The following LRRC45 variants were observed in gnomAD, a reference collection of about 807,000 sequenced individuals.
LRRC45 encodes the protein leucine rich repeat containing 45, also known as leucine-rich repeat-containing protein 45.
In LRRC45, 73 loss-of-function variants were observed where a neutral mutation model predicts 85.4. That is an observed-to-expected ratio of 0.85 (90% CI 0.71 to 1.04). The LOEUF (loss-of-function observed/expected upper bound fraction) is 1.04, where lower values mean the gene tolerates loss of function less well. Among genes scored for constraint, LRRC45 ranks in the 50% least tolerant of loss-of-function variants. The pLI is 0.00. For synonymous variants in LRRC45, 429 were observed against 386.0 expected (o/e 1.11, Z -1.31); for missense variants, 937 against 883.3 (o/e 1.06, Z -0.77).
In LRRC45 at chr17:82,025,525, G is replaced by A; in HGVS notation, c.661+18G>A. 6.5e-7 allele frequency: 1 copy of A among 1,544,068 alleles called. No homozygotes were observed. The highest frequency in any genetic ancestry group is 8.7e-7 in the Non-Finnish European group (1 of 1,144,044). ...AGCCGTGGGTACGGTGCAGGGCTGT[G>A]TGGAGTGACGCGTGAGCCTTTGACA... On this transcript the variant is annotated intron_variant, in intron 5 of 16. Coordinates refer to ENST00000306688, the MANE Select transcript of LRRC45 (RefSeq NM_144999.4).
At chr17:82,027,333 A>G in intron 6 of LRRC45, 53 bp from the exon 7 acceptor site, 1 of 1,603,002 alleles carries the variant, frequency 6.2e-7, no homozygotes, top group Non-Finnish European at 8.5e-7. Context: ...TGAGAAGGTC[A>G]GGTGGACAGG....
intron 5 of LRRC45, among the ~76,000 whole-genome samples, chr17:82,025,965 C>T (rs1363428737): frequency 6.6e-6 from 1 of 152,192 alleles, no homozygotes; most frequent in African/African-American, 2.4e-5. Context: ...GACCCCGAAT[C>T]CTTGCAGCTG....
In LRRC45 at chr17:82,023,640, G is replaced by A. The variant is rs1013831930; in HGVS notation, c.-4G>A. On this transcript the variant is annotated 5_prime_UTR_variant, in exon 1 of 17. Coordinates refer to ENST00000306688, the MANE Select transcript of LRRC45 (RefSeq NM_144999.4). The stretch of plus-strand genomic sequence containing the variant: ...CGGAGGAGGCCCTGCCGGCCCCGCG[G>A]GTCATGGAGGAGTTCCGGCGCTCCT... 13 of 1,530,034 alleles carry A rather than the reference G, an allele frequency of 8.5e-6. No homozygotes were observed. Among genetic ancestry groups the A allele is most frequent in the Admixed American group, 2.0e-5 (1 of 50,492 alleles). The allele number at this position is 1,530,034 out of a possible 1,614,324, so 94.8% of individuals were successfully genotyped here.
At position 82,025,428 on chromosome 17, in the gene LRRC45, CTG is replaced by C. The variant is rs753030414; in HGVS notation, c.584_585del (p.Cys195SerfsTer72). 7 of 1,607,924 alleles carry C rather than the reference CTG, an allele frequency of 4.4e-6. No homozygotes were observed. Among genetic ancestry groups the C allele is most frequent in the Non-Finnish European group, 5.9e-6 (7 of 1,177,286 alleles). ...GLLGGRALMN[C>X]LPSNRTLWRL... ...TCCTGGGGGGCCGGGCCCTCATGAA[CTG>C]TCTCCCCAGCAACAGAACCCTGTGG... On this transcript the variant is annotated frameshift_variant, in exon 5 of 17. Coordinates refer to ENST00000306688, the MANE Select transcript of LRRC45 (RefSeq NM_144999.4). LOFTEE classifies it high-confidence loss of function.
chr17:82,026,291 A>C (rs2043367201), intron 5 of LRRC45, among the ~76,000 whole-genome samples: 1 of 152,166 alleles, frequency 6.6e-6, no homozygotes, highest in Non-Finnish European at 1.5e-5. Flanking sequence ...TGGTGGCCAG[A>C]TGCCCCAGGA....
chr17:82,026,005 G>A (rs1227238785), intron 5 of LRRC45, among the ~76,000 whole-genome samples: 2 of 152,164 alleles, frequency 1.3e-5, no homozygotes, highest in African/African-American at 4.8e-5. Flanking sequence ...CAGTGCCCCA[G>A]ACTCAGCTGG....
chr17:82,027,535 G>A, intron 7 of LRRC45, 91 bp downstream of exon 7: 1 of 1,579,712 alleles, frequency 6.3e-7, no homozygotes, highest in Non-Finnish European at 8.7e-7. Context: ...CCACGAGTGA[G>A]GCCACGAGGA....
chr17:82,027,071 C>T (rs1258492441), intron 6 of LRRC45, 60 bp downstream of exon 6: 2 of 1,378,332 alleles, frequency 1.5e-6, no homozygotes, highest in East Asian at 2.4e-5. Context: ...CTGGCCACGT[C>T]CTTCCTCCCT....
chr17:82,030,780 T>G lies in LRRC45; in HGVS notation c.1988T>G (p.Val663Gly), dbSNP rs1339114601. ...AVLAYVQASPVRTLSPPK is the reference protein window; with the variant it reads ...AVLAYVQASPGRTLSPPK ...CTGGCTTACGTGCAGGCGTCCCCCGTGAGGACCCTGAGCCCCCCAAAGTGA... is the reference window on the plus strand; with the variant it reads ...CTGGCTTACGTGCAGGCGTCCCCCGGGAGGACCCTGAGCCCCCCAAAGTGA... Residue 663 changes from valine to glycine, a missense_variant, in exon 17 of 17, where the codon GTG (valine) becomes GGG (glycine). Val to Gly is a moderately radical substitution (Grantham distance 109). Coordinates refer to ENST00000306688, the MANE Select transcript of LRRC45 (RefSeq NM_144999.4). 7.1e-7 allele frequency: 1 copy of G among 1,410,116 alleles called. No homozygotes were observed. The allele number at this position is 1,410,116 out of a possible 1,614,324, so 87.4% of individuals were successfully genotyped here. A position where few individuals can be genotyped will look rare whatever the true frequency, so the allele number is the denominator to read the frequency against.
rs761996491 is a variant in LRRC45 at position 82,025,068 on chromosome 17, C to T, written c.422C>T (p.Ala141Val). 5.0e-6 allele frequency: 8 copies of T among 1,609,266 alleles called. No individual in the cohort carries two copies. Among genetic ancestry groups the T allele is most frequent in the Non-Finnish European group, 6.8e-6 (8 of 1,178,348 alleles). Residue 141 changes from alanine (A) to valine (V), a missense_variant, in exon 4 of 17, where the codon GCG becomes GTG. Physicochemically the swap from Ala to Val is moderately conservative, Grantham distance 64. Transcript: ENST00000306688. Reference sequence around the variant, plus strand: ...TTCGCCACCTTCTGCGGGGGCCTGGCGGCCAACGGCGCCCTGCAGCGGCTG... The same window carrying T: ...TTCGCCACCTTCTGCGGGGGCCTGGTGGCCAACGGCGCCCTGCAGCGGCTG... ...DAFATFCGGL[A>V]ANGALQRLDL...
At chr17:82,028,353 G>A (rs780504920) in intron 10 of LRRC45, 42 bp downstream of exon 10, 58 of 1,607,196 alleles carry the variant, frequency 3.6e-5, no homozygotes, top group South Asian at 1.4e-4. Context: ...GGGTGGGCGC[G>A]GCAGGGCTGG....
Position 82,028,432 on chromosome 17 carries a change from G to A in LRRC45, c.1161G>A (p.Gln387=), listed in dbSNP as rs957509569. Reference sequence around the variant, plus strand: ...TGGAGCGGAAGTTCAGGTGTCAGCAGGAGCAGCTGTTCCAGACCAGGCAGG... The same window carrying A: ...TGGAGCGGAAGTTCAGGTGTCAGCAAGAGCAGCTGTTCCAGACCAGGCAGG... ...DELERKFRCQ[Q]EQLFQTRQEM... Residue 387 remains glutamine (Q), a synonymous_variant, in exon 11 of 17, where the codon CAG becomes CAA. Coordinates refer to ENST00000306688, the MANE Select transcript of LRRC45 (RefSeq NM_144999.4). The A allele has an allele frequency of 1.2e-6, 2 of 1,612,668 alleles. No homozygotes were observed. The highest frequency in any genetic ancestry group is 2.7e-5 in the African/African-American group (2 of 74,936).
At chr17:82,027,980 G>A (rs762505245) in intron 8 of LRRC45, 31 bp from the exon 9 acceptor site, 21 of 1,569,196 alleles carry the variant, frequency 1.3e-5, no homozygotes, top group Admixed American at 7.3e-5. Context: ...AACTCCAACC[G>A]GGGCGGGGGT....
chr17:82,024,195 G>T, intron 1 of LRRC45, 83 bp from the exon 2 acceptor site: 1 of 1,496,514 alleles, frequency 6.7e-7, no homozygotes, highest in Non-Finnish European at 9.1e-7. Flanking sequence ...CCTGGGTCTA[G>T]GGAGCTGCCC....
intron 5 of LRRC45, 40 bp downstream of exon 5, chr17:82,025,547 G>A: frequency 1.3e-6 from 2 of 1,492,758 alleles, no homozygotes; most frequent in Non-Finnish European, 1.8e-6. Flanking sequence ...GTGAGCCTTT[G>A]ACAGAGGCCT....
intron 16 of LRRC45, 66 bp from the exon 17 acceptor site, chr17:82,030,543 C>T: frequency 6.7e-7 from 1 of 1,498,252 alleles, no homozygotes; most frequent in South Asian, 1.3e-5. Context: ...GGCCAGGTCT[C>T]CCGTGCTGAG....
chr17:82,027,285 G>A, intron 6 of LRRC45, 101 bp from the exon 7 acceptor site: 1 of 1,455,286 alleles, frequency 6.9e-7, no homozygotes, highest in South Asian at 1.2e-5. Flanking sequence ...ACCCTCCGCT[G>A]CCTTGCCACA....
chr17:82,028,370 G>A (rs776228927), intron 10 of LRRC45, 27 bp from the exon 11 acceptor site: 47 of 1,610,606 alleles, frequency 2.9e-5, no homozygotes, highest in Non-Finnish European at 3.4e-6. Context: ...CTGGGCTGCA[G>A]CTTCCCTCCC....
Position 82,030,183 on chromosome 17 carries a change from G to A in LRRC45, c.1613G>A (p.Ser538Asn). Residue 538 changes from serine (S) to asparagine (N), a missense_variant, in exon 15 of 17, where the codon AGC becomes AAC. By Grantham distance (46) the Ser-to-Asn change is conservative. Transcript: ENST00000306688. Reference sequence around the variant, plus strand: ...GTGGCCGAGGCCCAGACCCGGGTCAGCCAGCTGGGCCTGCAAGTTGAGGGC... The same window carrying A: ...GTGGCCGAGGCCCAGACCCGGGTCAACCAGCTGGGCCTGCAAGTTGAGGGC... ...QVVAEAQTRVSQLGLQVEGLR... is the reference protein window; with the variant it reads ...QVVAEAQTRVNQLGLQVEGLR... The A allele has an allele frequency of 6.5e-7, 1 of 1,542,430 alleles. No homozygotes were observed. The highest frequency in any genetic ancestry group is 2.0e-5 in the Admixed American group (1 of 50,472).
Sources: gnomAD v4.1 joint callset for allele counts (sites outside exome capture counted in the v4.1 genomes callset) on GRCh38, gnomAD v4.1.1 for gene constraint, MANE v1.5 for transcripts, NCBI Gene and HGNC (gene_info 2026-07-23, HGNC 2026-07-21) for gene names.